The following FAM120C variants were observed in gnomAD, a reference collection of about 807,000 sequenced individuals.
FAM120C encodes the protein constitutive coactivator of PPAR-gamma-like protein 2.
FAM120C carries 14 observed loss-of-function variants against 71.2 expected under a neutral mutation model. The observed-to-expected ratio is 0.20, with a 90% confidence interval of 0.13 to 0.31. The LOEUF (loss-of-function observed/expected upper bound fraction) is 0.31, where lower values mean the gene tolerates loss of function less well. Among genes scored for constraint, FAM120C ranks in the 10% least tolerant of loss-of-function variants. The pLI, the probability that FAM120C is intolerant of heterozygous loss-of-function variation, is 1.00. For missense variants in FAM120C, 500 were observed against 879.0 expected, an observed-to-expected ratio of 0.57 and a Z score of 5.45; for synonymous variants, 354 against 353.2, an observed-to-expected ratio of 1.00 and a Z score of -0.03.
rs782502000 is a variant in FAM120C at position 54,095,046 on chromosome X, G to A, written c.2313-3620C>T. 5.4e-5 allele frequency among the ~76,000 whole-genome samples: 6 copies of A among 110,835 alleles called. No homozygotes were observed. The South Asian group carries it at 1.9e-3, about 35-fold the overall frequency. ...TCCACCACTGCACTCCAGCCTGGGC[G>A]ACAGAGCAAGAACTTGTTTCAAAAA... On this transcript the variant is annotated intron_variant, in intron 10 of 15. Coordinates refer to ENST00000375180, the MANE Select transcript of FAM120C (RefSeq NM_017848.6).
At chrX:54,103,786 T>G (rs2066893419) in intron 10 of FAM120C, among the ~76,000 whole-genome samples, 1 of 109,623 alleles carries the variant, frequency 9.1e-6, no homozygotes, top group Admixed American at 9.9e-5. Context: ...ACAGTCTTGC[T>G]GCAGGACCAA....
chrX:54,159,648 C>G (rs782041762), intron 1 of FAM120C, 32 bp from the exon 2 acceptor site: 1 of 1,202,169 alleles, frequency 8.3e-7, no homozygotes, highest in Non-Finnish European at 1.1e-6. Context: ...TGTCATGCCA[C>G]AGAACCTGAT....
chrX:54,111,763 T>C (rs2146587504), intron 10 of FAM120C, among the ~76,000 whole-genome samples: 1 of 111,940 alleles, frequency 8.9e-6, no homozygotes, highest in East Asian at 2.8e-4. Flanking sequence ...AACATAATTT[T>C]CCACAGAATT....
Position 54,159,626 on chromosome X carries a change from A to C in FAM120C, c.700-10T>G, listed in dbSNP as rs781995850. The C allele has an allele frequency of 1.7e-6, 2 of 1,210,330 alleles. No individual in the cohort carries two copies. Among genetic ancestry groups the C allele is most frequent in the East Asian group, 5.9e-5 (2 of 33,838 alleles). On this transcript the variant is annotated splice_polypyrimidine_tract_variant and intron_variant, in intron 1 of 15. Transcript: ENST00000375180. ...CAAGGCTCTGAAAGACCTAGAAGGG[A>C]AGAAGAGAACGTGTCATGCCACAGA...
chrX:54,179,786 G>A (rs1263644331), intron 1 of FAM120C, among the ~76,000 whole-genome samples: 2 of 111,710 alleles, frequency 1.8e-5, no homozygotes, highest in Non-Finnish European at 3.8e-5. Flanking sequence ...AAAGTACACA[G>A]GACATTATGG....
chrX:54,087,610 A>T (rs782315285), intron 12 of FAM120C, 145 bp downstream of exon 12: 1 of 533,245 alleles, frequency 1.9e-6, no homozygotes, highest in African/African-American at 2.4e-5. Context: ...CTTTGGGACC[A>T]CTGTTGACTG....
Position 54,072,059 on chromosome X carries a change from ATC to A in FAM120C, c.*972_*973del, listed in dbSNP as rs1385454158. On this transcript the variant is annotated 3_prime_UTR_variant, in exon 16 of 16. Coordinates refer to ENST00000375180, the MANE Select transcript of FAM120C (RefSeq NM_017848.6). ...ATATAAAATATGTATAGATAAATAG[ATC>A]TGTCTCTTTATATAAAGGGTATGTG... 1 of 104,045 alleles carries A rather than the reference ATC, an allele frequency of 9.6e-6. No homozygotes were observed. The highest frequency in any genetic ancestry group is 2.0e-5 in the Non-Finnish European group (1 of 50,933). 8.6% of individuals were successfully genotyped at this position (104,045 alleles called of 1,213,427 possible). A position where few individuals can be genotyped will look rare whatever the true frequency, so the allele number is the denominator to read the frequency against.
Position 54,156,158 on chromosome X carries a change from A to G in FAM120C, c.1029+1531T>C, listed in dbSNP as rs868932585. Among the ~76,000 whole-genome samples, 21 of 109,811 alleles carry G rather than the reference A, an allele frequency of 1.9e-4. No individual in the cohort carries two copies. In the Middle Eastern group the frequency reaches 0.014, roughly 72 times the overall value. On this transcript the variant is annotated intron_variant, in intron 3 of 15. Coordinates refer to ENST00000375180, the MANE Select transcript of FAM120C (RefSeq NM_017848.6). ...AGTAAAACAGGAAGTGAGGTCATGA[A>G]CTGAGAGTGAGCAAATGAGGAGAAA...
At chrX:54,132,625 G>T in intron 9 of FAM120C, 67 bp downstream of exon 9, 1 of 948,502 alleles carries the variant, frequency 1.1e-6, no homozygotes, top group Non-Finnish European at 1.4e-6. Context: ...GGTACCCAAT[G>T]TGCCTGGACA....
At chrX:54,156,443 C>T (rs1274207248) in intron 3 of FAM120C, among the ~76,000 whole-genome samples, 1 of 106,092 alleles carries the variant, frequency 9.4e-6, no homozygotes, top group Non-Finnish European at 1.9e-5. Flanking sequence ...CTGCCTCAGC[C>T]TCCTGAGTGG....
chrX:54,175,993 T>C (rs2067315120), intron 1 of FAM120C, among the ~76,000 whole-genome samples: 1 of 112,173 alleles, frequency 8.9e-6, no homozygotes, highest in Admixed American at 9.5e-5. Context: ...GCAATTATAC[T>C]GTTTTGAGAT....
rs1223386922 is a variant in FAM120C, at chrX:54,134,965, A to G, written c.1482T>C (p.Asn494=). 11 of 1,209,685 alleles carry G rather than the reference A, an allele frequency of 9.1e-6. No homozygotes were observed. Among genetic ancestry groups the G allele is most frequent in the Non-Finnish European group, 1.2e-5 (11 of 895,176 alleles). ...DPMLQNSPFA[N]WAVSYDSSAS... is the part of the protein sequence containing the mutation. ...CAGAAGAGTCATAGGAGACAGCCCA[A>G]TTGGCAAAGGGGCTGTTCTGCAGCA... The change falls in exon 7 of 16, where the codon AAT becomes AAC. Residue 494 remains asparagine (N), a synonymous_variant. Transcript: ENST00000375180.
intron 3 of FAM120C, 52 bp from the exon 4 acceptor site, chrX:54,151,425 G>C: frequency 8.8e-7 from 1 of 1,137,028 alleles, no homozygotes; most frequent in Non-Finnish European, 1.2e-6. Context: ...GGATCACTAA[G>C]AAAAAGAGTG....
chrX:54,088,541 G>A (rs182597192), intron 11 of FAM120C, among the ~76,000 whole-genome samples: 100 of 81,082 alleles, frequency 1.2e-3, no homozygotes, highest in Non-Finnish European at 1.7e-3. Context: ...GCAGTGAGCC[G>A]AGATTGTACC....
intron 13 of FAM120C, 113 bp from the exon 14 acceptor site, chrX:54,081,573 A>G: frequency 5.3e-6 from 4 of 751,276 alleles, no homozygotes; most frequent in Non-Finnish European, 7.5e-6. Context: ...GGAGTTCCAG[A>G]GCCAGCCTAG....
chrX:54,109,593 T>C (rs2146584930), intron 10 of FAM120C, among the ~76,000 whole-genome samples: 1 of 104,441 alleles, frequency 9.6e-6, no homozygotes, highest in Admixed American at 1.1e-4. Context: ...CCAGCCTGGG[T>C]GACAGAGCAA....
At chrX:54,171,400 CTG>C (rs1277051379) in intron 1 of FAM120C, 2 of 111,997 alleles carry the variant, frequency 1.8e-5, no homozygotes, top group African/African-American at 3.2e-5. Context: ...GAGCAAGACC[CTG>C]TGTTTAAAAA....
At chrX:54,103,899 G>C (rs1430713771) in intron 10 of FAM120C, among the ~76,000 whole-genome samples, 10 of 111,222 alleles carry the variant, frequency 9.0e-5, no homozygotes, top group African/African-American at 3.3e-4. Context: ...ATGAACACTA[G>C]TTCTTATGTA....
chrX:54,149,392 C>A (rs944338888), intron 4 of FAM120C, among the ~76,000 whole-genome samples: 13 of 111,832 alleles, frequency 1.2e-4, no homozygotes, highest in Admixed American at 4.8e-4. Context: ...AATCCCAGCA[C>A]TTTGGGAGGC....
Sources: gnomAD v4.1 joint callset for allele counts (sites outside exome capture counted in the v4.1 genomes callset) on GRCh38, gnomAD v4.1.1 for gene constraint, MANE v1.5 for transcripts, NCBI Gene and HGNC (gene_info 2026-07-23, HGNC 2026-07-21) for gene names.